The following SFTPD variants were observed in gnomAD, a reference collection of about 807,000 sequenced individuals.
SFTPD encodes the protein surfactant protein D.
Under a neutral mutation model 34.6 loss-of-function variants are expected in SFTPD, and 18 were observed. The observed-to-expected ratio is 0.52, with a 90% CI of 0.36 to 0.77. SFTPD has a LOEUF of 0.77. Among genes scored for constraint, SFTPD ranks in the 30% least tolerant of loss-of-function variants. The probability of loss-of-function intolerance (pLI) is 0.00; values close to 1 mark genes in which losing one functional copy is unlikely to be tolerated. For missense variants in SFTPD, 433 were observed against 468.9 expected (o/e 0.92, Z 0.71); for synonymous variants, 155 against 180.9 (o/e 0.86, Z 1.15).
At chr10:79,950,886 A>AT (rs1842705896), upstream of SFTPD, 1 of 151,818 alleles carries the variant, frequency 6.6e-6, no homozygotes, top group East Asian at 1.9e-4. Flanking sequence ...TTAAAAATTT[A>AT]TTTTTTCTGT....
chr10:79,982,302 TGCCCAGTGGGCACCA>T, intron 1 of SFTPD: 1 of 987,556 alleles, frequency 1.0e-6, no homozygotes, highest in East Asian at 3.7e-5. Context: ...CCGGCTCAGG[TGCCCAGTGGGCACCA>T]GCCCAGCGCC....
intron 1 of SFTPD, chr10:79,968,365 G>A (rs958039476): frequency 2.6e-5 from 4 of 152,242 alleles, no homozygotes; most frequent in South Asian, 2.1e-4. Flanking sequence ...CCATCTTTAT[G>A]TCCATGAGTA....
intron 1 of SFTPD, among the ~76,000 whole-genome samples, chr10:79,954,426 T>TA (rs1842727827): frequency 6.6e-6 from 1 of 152,058 alleles, no homozygotes; most frequent in East Asian, 1.9e-4. Flanking sequence ...TGTCCGCACA[T>TA]GGAGGACCTG....
intron 1 of SFTPD, among the ~76,000 whole-genome samples, chr10:79,961,726 G>A (rs1180721974): frequency 6.6e-6 from 1 of 152,222 alleles, no homozygotes; most frequent in Non-Finnish European, 1.5e-5. Context: ...CATTGTGGAA[G>A]TCAGTGTGGT....
upstream of SFTPD, chr10:79,950,076 C>G (rs1006912414): frequency 6.6e-6 from 1 of 152,140 alleles, no homozygotes; most frequent in Non-Finnish European, 1.5e-5. Context: ...CTCCTGGTCT[C>G]AAGCAATTCT....
At chr10:79,945,411 A>C (rs1030487718) in intron 2 of SFTPD, among the ~76,000 whole-genome samples, 11 of 151,920 alleles carry the variant, frequency 7.2e-5, no homozygotes, top group African/African-American at 2.4e-4. Context: ...CCCTTACCCC[A>C]CAAAGCCTGG....
chr10:79,977,283 C>T (rs1445414082), intron 1 of SFTPD, among the ~76,000 whole-genome samples: 1 of 152,210 alleles, frequency 6.6e-6, no homozygotes. Context: ...CCCTCCCAAC[C>T]ACAGGACTCA....
Position 79,937,806 on chromosome 10 carries a change from T to A in SFTPD, c.*46A>T, listed in dbSNP as rs764674924. The A allele has an allele frequency of 2.0e-6, 3 of 1,507,282 alleles. No homozygotes were observed. The highest frequency in any genetic ancestry group is 2.7e-6 in the Non-Finnish European group (3 of 1,126,024). 93.4% of individuals were successfully genotyped at this position (1,507,282 alleles called of 1,614,324 possible). On this transcript the variant is annotated 3_prime_UTR_variant, in exon 8 of 8. Coordinates refer to ENST00000372292, the MANE Select transcript of SFTPD (RefSeq NM_003019.5). ...GCATGAGGGTCTAAGCCTTGACTTC[T>A]GGCCAAACTCCTGGGCCAAGCACTG...
intron 1 of SFTPD, among the ~76,000 whole-genome samples, chr10:79,981,554 C>A (rs1842890275): frequency 6.6e-6 from 1 of 152,184 alleles, no homozygotes; most frequent in African/African-American, 2.4e-5. Flanking sequence ...CCAGCCCAGC[C>A]CAGGGGGAGC....
chr10:79,940,809 A>C lies in SFTPD; in HGVS notation c.668-21T>G, dbSNP rs377695516. 3.6e-5 allele frequency: 55 copies of C among 1,540,852 alleles called. No individual in the cohort carries two copies. In the African/African-American group the frequency reaches 7.1e-4, roughly 20 times the overall value. ...AACATCTGGAGGGGAGAAAATGGCC[A>C]AGTAAAGACTTGTCCAGAGAGCGAA... On this transcript the variant is annotated intron_variant, in intron 6 of 7. Coordinates refer to ENST00000372292, the MANE Select transcript of SFTPD (RefSeq NM_003019.5).
At chr10:79,965,472 A>T (rs1238603791) in intron 1 of SFTPD, among the ~76,000 whole-genome samples, 1 of 149,106 alleles carries the variant, frequency 6.7e-6, no homozygotes, top group Non-Finnish European at 1.5e-5. Flanking sequence ...CATCACCATT[A>T]TCTCTCCATA....
At chr10:79,947,234 G>A (rs1163773790) in intron 1 of SFTPD, among the ~76,000 whole-genome samples, 11 of 152,242 alleles carry the variant, frequency 7.2e-5, no homozygotes, top group African/African-American at 2.4e-4. Flanking sequence ...TGGGAGTGTG[G>A]TGCACATTTG....
At position 79,938,134 on chromosome 10, in the gene SFTPD, T is replaced by C. The variant is rs1490031842; in HGVS notation, c.846A>G (p.Thr282=). The change falls in exon 8 of 8, where the codon ACA becomes ACG. Residue 282 remains threonine, a synonymous_variant. Transcript: ENST00000372292. ...KPFTEAQLLC[T]QAGGQLASPR... ...GAGAGGCCAACTGTCCACCAGCCTG[T>C]GTGCACAGCAGCTGTGCCTCCGTAA... The C allele has an allele frequency of 8.1e-6, 13 of 1,613,684 alleles. No individual in the cohort carries two copies. Among genetic ancestry groups the C allele is most frequent in the Non-Finnish European group, 1.1e-5 (13 of 1,179,588 alleles).
At position 79,974,584 on chromosome 10, in the gene SFTPD, C is replaced by T. The variant is rs576832965; in HGVS notation, c.36+7991G>A. ...TCTGATATTGGCCAATTTTAAGATA[C>T]ATACAAAATATATCTCTATGTATAT... is the stretch of plus-strand genomic sequence containing the variant. On this transcript the variant is annotated intron_variant, in intron 1 of 5. Coordinates refer to the SFTPD transcript ENST00000444384. Among the ~76,000 whole-genome samples, 11 of 152,304 alleles carry T rather than the reference C, an allele frequency of 7.2e-5. 1 individual carries two copies. Among genetic ancestry groups the T allele is most frequent in the Admixed American group, 7.2e-4 (11 of 15,298 alleles).
At chr10:79,955,633 T>C (rs1278930021) in intron 1 of SFTPD, among the ~76,000 whole-genome samples, 1 of 152,260 alleles carries the variant, frequency 6.6e-6, no homozygotes, top group Non-Finnish European at 1.5e-5. Flanking sequence ...CACTAGATTC[T>C]GCAACAATTG....
At chr10:79,981,650 TC>T (rs1039102977) in intron 1 of SFTPD, among the ~76,000 whole-genome samples, 2 of 152,136 alleles carry the variant, frequency 1.3e-5, no homozygotes, top group African/African-American at 4.8e-5. Context: ...TTCCTCTTTC[TC>T]CGTTAAAAAC....
intron 1 of SFTPD, among the ~76,000 whole-genome samples, chr10:79,954,707 T>C (rs1842729176): frequency 6.6e-6 from 1 of 152,150 alleles, no homozygotes. Context: ...GGGCCCTGGA[T>C]GGACAAGTCT....
At chr10:79,980,945 G>A (rs1320417914) in intron 1 of SFTPD, among the ~76,000 whole-genome samples, 1 of 152,042 alleles carries the variant, frequency 6.6e-6, no homozygotes, top group African/African-American at 2.4e-5. Context: ...CAAGCATCAA[G>A]ACCACCAAGG....
chr10:79,977,942 C>T lies in SFTPD; in HGVS notation c.36+4633G>A, dbSNP rs986456611. ...TTCTCCAGCACCACCCTTCTCCCAG[C>T]TTATTAAGCAGTGCAATCTTTGTCT... On this transcript the variant is annotated intron_variant, in intron 1 of 5. Transcript: ENST00000444384. 7.9e-5 allele frequency among the ~76,000 whole-genome samples: 12 copies of T among 152,338 alleles called. No homozygotes were observed. The Middle Eastern group carries it at 0.01, about 130-fold the overall frequency.
Sources: allele counts gnomAD v4.1 joint callset (sites outside exome capture counted in the v4.1 genomes callset), GRCh38; gene constraint gnomAD v4.1.1; transcripts MANE v1.5; gene names NCBI Gene and HGNC (gene_info 2026-07-23, HGNC 2026-07-21).